CDYL: variants seen among roughly 807,000 people sequenced by gnomAD.
The protein encoded by CDYL is chromodomain Y-like protein.
CDYL carries 8 observed loss-of-function variants against 47.3 expected under a neutral mutation model. The ratio of observed to expected loss-of-function variants is 0.17; its 90% CI spans 0.10 to 0.31. CDYL has a LOEUF of 0.31. CDYL is among the 10% of genes least tolerant of loss of function. The pLI is 1.00. For missense variants in CDYL, 471 were observed against 701.4 expected (o/e 0.67, Z 3.71); for synonymous variants, 266 against 265.0 (o/e 1.00, Z -0.04).
At chr6:4,950,931 CAA>C (rs11434312) in intron 5 of CDYL, among the ~76,000 whole-genome samples, 6 of 124,456 alleles carry the variant, frequency 4.8e-5, no homozygotes, top group Non-Finnish European at 4.9e-5. Context: ...GACTCCGTCT[CAA>C]AAAAAAAAAA....
At chr6:4,734,653 G>T in intron 2 of CDYL, 1 of 1,458,580 alleles carries the variant, frequency 6.9e-7, no homozygotes, top group Non-Finnish European at 9.3e-7. Flanking sequence ...AATTCAGGAA[G>T]GGGAGGGCAC....
intron 1 of CDYL, among the ~76,000 whole-genome samples, chr6:4,803,425 C>T (rs1302325139): frequency 6.6e-6 from 1 of 152,198 alleles, no homozygotes; most frequent in Non-Finnish European, 1.5e-5. Context: ...CCTCTGCTGT[C>T]CCCATTCTCC....
intron 1 of CDYL, among the ~76,000 whole-genome samples, chr6:4,835,672 CA>C (rs1427882061): frequency 6.6e-6 from 1 of 152,220 alleles, no homozygotes; most frequent in Non-Finnish European, 1.5e-5. Flanking sequence ...GCCCTGCCCC[CA>C]GAGGTGGAGC....
At chr6:4,918,642 A>G (rs1047726198) in intron 2 of CDYL, among the ~76,000 whole-genome samples, 1 of 152,218 alleles carries the variant, frequency 6.6e-6, no homozygotes, top group African/African-American at 2.4e-5. Flanking sequence ...GTAATTAAAG[A>G]TTGACCGCGC....
At chr6:4,863,392 C>G (rs1761229322) in intron 1 of CDYL, among the ~76,000 whole-genome samples, 1 of 152,206 alleles carries the variant, frequency 6.6e-6, no homozygotes, top group Non-Finnish European at 1.5e-5. Flanking sequence ...TCTTCCCCTT[C>G]TTTGCCTCGC....
chr6:4,916,428 C>T (rs565304539), intron 2 of CDYL, among the ~76,000 whole-genome samples: 2 of 152,302 alleles, frequency 1.3e-5, no homozygotes, highest in South Asian at 2.1e-4. Flanking sequence ...TCAAAGAACT[C>T]ATGAGATGAG....
chr6:4,844,923 CAAAT>C (rs1215197358), intron 1 of CDYL, among the ~76,000 whole-genome samples: 1 of 151,982 alleles, frequency 6.6e-6, no homozygotes, highest in Non-Finnish European at 1.5e-5. Context: ...AAAAAGTTGT[CAAAT>C]AAATTGCCTT....
Position 4,892,003 on chromosome 6 carries a change from C to A in CDYL, c.315C>A (p.His105Gln), listed in dbSNP as rs370862716. The change falls in exon 2 of 7, where the codon CAC (histidine) becomes CAA (glutamine). Residue 105 changes from histidine to glutamine, a missense_variant. By Grantham distance (24) the His-to-Gln change is conservative. This residue lies in a region of CDYL where 311 missense variants were observed against 350.0 expected (regional missense o/e 0.89). Transcript: ENST00000397588. ...SPKALVIGKD[H>Q]ESKNSQLFAA... ...AGGCACTCGTGATTGGGAAAGACCA[C>A]GAATCCAAAAACAGCCAGCTGTTTG... 1.9e-6 allele frequency: 3 copies of A among 1,614,064 alleles called. No individual in the cohort carries two copies. In the African/African-American group the frequency reaches 4.0e-5, roughly 22 times the overall value.
At chr6:4,863,251 C>T (rs1761223489) in intron 1 of CDYL, among the ~76,000 whole-genome samples, 1 of 152,136 alleles carries the variant, frequency 6.6e-6, no homozygotes, top group African/African-American at 2.4e-5. Flanking sequence ...CTGTTGGGTA[C>T]CGTGTTCACT....
chr6:4,828,229 C>G (rs1032187147), intron 1 of CDYL, among the ~76,000 whole-genome samples: 2 of 136,128 alleles, frequency 1.5e-5, no homozygotes, highest in East Asian at 2.1e-4. Context: ...GGACTTTTAA[C>G]AGGTTTTTTT....
chr6:4,884,219 A>G (rs1431034310), intron 1 of CDYL, among the ~76,000 whole-genome samples: 1 of 152,228 alleles, frequency 6.6e-6, no homozygotes, highest in African/African-American at 2.4e-5. Context: ...CCAAAAGGAA[A>G]TGTCCAGAAG....
At chr6:4,744,715 T>C (rs1394988238) in intron 3 of CDYL, among the ~76,000 whole-genome samples, 1 of 152,170 alleles carries the variant, frequency 6.6e-6, no homozygotes, top group Non-Finnish European at 1.5e-5. Flanking sequence ...ATAAGGAAAC[T>C]ACGGCTTAAA....
At chr6:4,790,766 G>A (rs1325188482) in intron 1 of CDYL, among the ~76,000 whole-genome samples, 1 of 152,194 alleles carries the variant, frequency 6.6e-6, no homozygotes. Context: ...AGCTTTGTAC[G>A]AGGTTAAGCA....
At chr6:4,807,334 A>G (rs1398080255) in intron 1 of CDYL, among the ~76,000 whole-genome samples, 1 of 152,222 alleles carries the variant, frequency 6.6e-6, no homozygotes, top group Non-Finnish European at 1.5e-5. Flanking sequence ...ATGTCTGCCA[A>G]GTTTTTCCAC....
At chr6:4,765,227 G>C (rs1758234338) in intron 3 of CDYL, among the ~76,000 whole-genome samples, 1 of 152,050 alleles carries the variant, frequency 6.6e-6, no homozygotes, top group Non-Finnish European at 1.5e-5. Context: ...GGAGGCTGAG[G>C]CATGAGAATC....
chr6:4,758,370 A>ATATATATC (rs140149693), intron 3 of CDYL, among the ~76,000 whole-genome samples: 104 of 137,796 alleles, frequency 7.5e-4, no homozygotes, highest in African/African-American at 2.8e-3. Flanking sequence ...ATATATATAT[A>ATATATATC]TCTCTTTGTG....
At chr6:4,900,775 G>GTGTGTGTA (rs869079309) in intron 2 of CDYL, among the ~76,000 whole-genome samples, 8 of 2,500 alleles carry the variant, frequency 3.2e-3, no homozygotes, top group African/African-American at 5.2e-3. Flanking sequence ...TTCCGTATAC[G>GTGTGTGTA]TGTGTATATA....
rs1333803731 is a variant in CDYL, at chr6:4,955,054, T to C, written c.*998T>C. On this transcript the variant is annotated 3_prime_UTR_variant, in exon 7 of 7. Transcript: ENST00000397588. Reference sequence around the variant, plus strand: ...AGTTAAAATTCTTTTGGCACACTATTAAATGCAAAAACTCCTTTCAAAACA... The same window carrying C: ...AGTTAAAATTCTTTTGGCACACTATCAAATGCAAAAACTCCTTTCAAAACA... 6.6e-6 allele frequency: 1 copy of C among 152,642 alleles called. No homozygotes were observed. Among genetic ancestry groups the C allele is most frequent in the Non-Finnish European group, 1.5e-5 (1 of 68,040 alleles). The allele number at this position is 152,642 out of a possible 1,614,324, so 9.5% of individuals were successfully genotyped here.
intron 2 of CDYL, among the ~76,000 whole-genome samples, chr6:4,916,931 G>A (rs920413450): frequency 6.6e-6 from 1 of 152,328 alleles, no homozygotes; most frequent in Admixed American, 6.5e-5. Context: ...GGCTGATGGG[G>A]AGTCCAGAGC....
Sources: allele counts gnomAD v4.1 joint callset (sites outside exome capture counted in the v4.1 genomes callset), GRCh38; gene constraint gnomAD v4.1.1; regional missense constraint gnomAD v4.1.1; transcripts MANE v1.5; gene names NCBI Gene and HGNC (gene_info 2026-07-23, HGNC 2026-07-21).